EBF3: variants seen among roughly 807,000 people sequenced by gnomAD.
The protein encoded by EBF3 is transcription factor COE3.
EBF3 carries 18 observed loss-of-function variants against 77.1 expected under a neutral mutation model. The observed-to-expected ratio is 0.23, with a 90% CI of 0.16 to 0.35. EBF3 has a LOEUF of 0.35. Among genes scored for constraint, EBF3 ranks in the 10% least tolerant of loss-of-function variants. The pLI, the probability that EBF3 is intolerant of heterozygous loss-of-function variation, is 1.00. For synonymous variants in EBF3, 350 were observed against 343.5 expected, an observed-to-expected ratio of 1.02 and a Z score of -0.21; for missense variants, 558 against 860.0, an observed-to-expected ratio of 0.65 and a Z score of 4.39.
chr10:129,899,609 C>A (rs1854641905), intron 6 of EBF3, among the ~76,000 whole-genome samples: 1 of 152,154 alleles, frequency 6.6e-6, no homozygotes, highest in Non-Finnish European at 1.5e-5. Context: ...CCAGATCCAG[C>A]CGGAGGGAAG....
At chr10:129,843,106 G>C (rs1309355486) in intron 12 of EBF3, 31 bp downstream of exon 12, 1 of 1,589,160 alleles carries the variant, frequency 6.3e-7, no homozygotes, top group Admixed American at 1.7e-5. Context: ...ATGGGGGGGA[G>C]GATGGGCGAG....
chr10:129,934,587 T>C (rs898605019), intron 6 of EBF3, among the ~76,000 whole-genome samples: 5 of 152,140 alleles, frequency 3.3e-5, no homozygotes, highest in African/African-American at 1.2e-4. Flanking sequence ...TTGCATACTA[T>C]TAAGTGGCAT....
chr10:129,839,390 G>A (rs1422936198), intron 15 of EBF3, among the ~76,000 whole-genome samples, 195 bp from the exon 16 acceptor site: 9 of 152,208 alleles, frequency 5.9e-5, no homozygotes, highest in Non-Finnish European at 1.2e-4. Context: ...ATGAGGCCTG[G>A]GGGCACCCAT....
chr10:129,901,227 T>G (rs755264066), intron 6 of EBF3, among the ~76,000 whole-genome samples: 8 of 152,194 alleles, frequency 5.3e-5, no homozygotes, highest in African/African-American at 1.9e-4. Flanking sequence ...CCACATGACT[T>G]ACCACCACTC....
chr10:129,903,507 C>G (rs1315935997), intron 6 of EBF3, among the ~76,000 whole-genome samples: 1 of 152,216 alleles, frequency 6.6e-6, no homozygotes, highest in Non-Finnish European at 1.5e-5. Flanking sequence ...TTACAAAGTT[C>G]AGATTACATC....
chr10:129,902,602 C>T (rs1854870387), intron 6 of EBF3, among the ~76,000 whole-genome samples: 1 of 152,176 alleles, frequency 6.6e-6, no homozygotes, highest in Non-Finnish European at 1.5e-5. Context: ...TCAGTAACCA[C>T]CTTTCTTCTC....
At chr10:129,936,333 T>C (rs368680139) in intron 6 of EBF3, among the ~76,000 whole-genome samples, 4 of 152,070 alleles carry the variant, frequency 2.6e-5, no homozygotes, top group African/African-American at 9.7e-5. Context: ...CTCAGAGTCA[T>C]CCTGAGGGGC....
At chr10:129,927,190 C>T (rs1448944611) in intron 6 of EBF3, among the ~76,000 whole-genome samples, 1 of 152,196 alleles carries the variant, frequency 6.6e-6, no homozygotes, top group East Asian at 1.9e-4. Flanking sequence ...ATGCCCGTTC[C>T]CATTCTGTTC....
intron 6 of EBF3, among the ~76,000 whole-genome samples, chr10:129,932,593 G>A (rs1447549787): frequency 6.6e-6 from 1 of 152,192 alleles, no homozygotes; most frequent in African/African-American, 2.4e-5. Context: ...GCAGGGCAGG[G>A]GGCACATGGT....
chr10:129,868,022 T>C, intron 8 of EBF3, 110 bp from the exon 9 acceptor site: 1 of 1,468,442 alleles, frequency 6.8e-7, no homozygotes, highest in South Asian at 1.3e-5. Context: ...AGGCGCGCCG[T>C]TCCTCCAGGC....
chr10:129,945,164 G>A (rs865775304), intron 6 of EBF3, among the ~76,000 whole-genome samples: 52 of 99,458 alleles, frequency 5.2e-4, no homozygotes, highest in African/African-American at 2.0e-3. Flanking sequence ...AAGAGGGGAG[G>A]GGAGAGGAGT....
At chr10:129,946,131 C>T (rs1167100711) in intron 6 of EBF3, among the ~76,000 whole-genome samples, 2 of 152,170 alleles carry the variant, frequency 1.3e-5, no homozygotes, top group African/African-American at 4.8e-5. Context: ...AGACCGTAGC[C>T]GTTTTAAAAT....
intron 6 of EBF3, among the ~76,000 whole-genome samples, chr10:129,919,941 G>A (rs564600865): frequency 1.3e-5 from 2 of 152,162 alleles, no homozygotes; most frequent in Admixed American, 6.5e-5. Flanking sequence ...AGAGAAAGCC[G>A]CCCGCCCACA....
chr10:129,961,216 T>TCGG (rs1859494321), intron 4 of EBF3, among the ~76,000 whole-genome samples: 1 of 152,232 alleles, frequency 6.6e-6, no homozygotes, highest in Non-Finnish European at 1.5e-5. Flanking sequence ...AGAAGCCACT[T>TCGG]TCATTTCTAA....
chr10:129,910,631 T>G (rs1282819967), intron 6 of EBF3, among the ~76,000 whole-genome samples: 3 of 152,050 alleles, frequency 2.0e-5, no homozygotes, highest in African/African-American at 7.3e-5. Flanking sequence ...TCCACCCAGC[T>G]CCTACGCTCC....
chr10:129,906,204 G>A lies in EBF3; in HGVS notation c.555-28355C>T, dbSNP rs147371115. 3.5e-4 allele frequency among the ~76,000 whole-genome samples: 53 copies of A among 152,284 alleles called. No individual in the cohort carries two copies. The East Asian group carries it at 8.9e-3, about 26-fold the overall frequency. On this transcript the variant is annotated intron_variant, in intron 6 of 16. Transcript: ENST00000440978. ...ATGCAAGACAAGAAAGAAATGACTG[G>A]GGCATCAGCTCTGGAAGAATAAATT...
intron 6 of EBF3, among the ~76,000 whole-genome samples, chr10:129,917,246 G>A (rs1855941713): frequency 6.6e-6 from 1 of 152,172 alleles, no homozygotes; most frequent in African/African-American, 2.4e-5. Context: ...GCACACGCCT[G>A]TAGTCCCAGC....
At chr10:129,910,613 A>G (rs1855460260) in intron 6 of EBF3, among the ~76,000 whole-genome samples, 1 of 152,142 alleles carries the variant, frequency 6.6e-6, no homozygotes, top group African/African-American at 2.4e-5. Context: ...TGCCAGGTGT[A>G]CGGATTGTCC....
At position 129,938,262 on chromosome 10, in the gene EBF3, G is replaced by A. The variant is rs571345292; in HGVS notation, c.554+18996C>T. On this transcript the variant is annotated intron_variant, in intron 6 of 16. Transcript: ENST00000440978. This position sits in a 1 kb window ranked among gnomAD's most constrained non-coding sequence, Gnocchi z 5.1. The stretch of plus-strand genomic sequence containing the variant: ...TTTTTTTAAAGTTCATGGCGGGGCC[G>A]GGTGCAATGGCTCTCATCTATAGTC... Among the ~76,000 whole-genome samples, 5 of 152,056 alleles carry A rather than the reference G, an allele frequency of 3.3e-5. No homozygotes were observed. The highest frequency in any genetic ancestry group is 2.6e-4 in the Admixed American group (4 of 15,278).
Sources: allele counts gnomAD v4.1 joint callset (sites outside exome capture counted in the v4.1 genomes callset), GRCh38; gene constraint gnomAD v4.1.1; non-coding constraint Gnocchi (gnomAD v3.1); transcripts MANE v1.5; gene names NCBI Gene and HGNC (gene_info 2026-07-23, HGNC 2026-07-21).